The following SNX29 variants were observed in gnomAD, a reference collection of about 807,000 sequenced individuals.
SNX29 encodes sorting nexin-29.
Under a neutral mutation model 102.1 loss-of-function variants are expected in SNX29, and 78 were observed. That is an observed-to-expected ratio of 0.76 (90% CI 0.64 to 0.92). SNX29 has a LOEUF of 0.92. SNX29 is among the 40% of genes least tolerant of loss of function. The pLI is 0.00. For missense variants in SNX29, 1,280 were observed against 1,061.7 expected, an observed-to-expected ratio of 1.21 and a Z score of -2.86; for synonymous variants, 580 against 414.5, an observed-to-expected ratio of 1.40 and a Z score of -4.85.
At chr16:12,390,180 G>GTA in intron 16 of SNX29, among the ~76,000 whole-genome samples, 1 of 148,986 alleles carries the variant, frequency 6.7e-6, no homozygotes, top group East Asian at 2.2e-4. Context: ...GTGTGTGTGT[G>GTA]TATGTATATG....
Position 12,398,776 on chromosome 16 carries a change from A to G in SNX29, c.1955+275A>G, listed in dbSNP as rs1300717934. On this transcript the variant is annotated intron_variant, in intron 17 of 20. Coordinates refer to ENST00000566228, the MANE Select transcript of SNX29 (RefSeq NM_032167.5). ...CTATCACATAACACAAATTTCCTTT[A>G]TTTTCTTTAAAAATGAGACGCTTGT... Among the ~76,000 whole-genome samples, 7 of 145,472 alleles carry G rather than the reference A, an allele frequency of 4.8e-5. No individual in the cohort carries two copies. The East Asian group carries it at 8.0e-4, about 17-fold the overall frequency.
At chr16:12,051,312 G>C (rs566863812) in intron 7 of SNX29, among the ~76,000 whole-genome samples, 3 of 144,926 alleles carry the variant, frequency 2.1e-5, no homozygotes, top group Non-Finnish European at 4.5e-5. Flanking sequence ...CTGGGCAATA[G>C]AGCGAGATGC....
chr16:12,478,983 A>T (rs1248905250), intron 19 of SNX29, among the ~76,000 whole-genome samples: 1 of 152,114 alleles, frequency 6.6e-6, no homozygotes, highest in Non-Finnish European at 1.5e-5. Flanking sequence ...TAGAGCCATG[A>T]CCTTTCTCAG....
At chr16:12,410,875 T>G (rs1255895640) in intron 18 of SNX29, among the ~76,000 whole-genome samples, 1 of 152,214 alleles carries the variant, frequency 6.6e-6, no homozygotes, top group African/African-American at 2.4e-5. Flanking sequence ...GATGGTGATG[T>G]TTTTGGACTT....
intron 19 of SNX29, among the ~76,000 whole-genome samples, chr16:12,493,153 C>T (rs1400916682): frequency 1.3e-5 from 2 of 152,146 alleles, no homozygotes; most frequent in Non-Finnish European, 2.9e-5. Flanking sequence ...ACTGATTCTT[C>T]CTACCCATGA....
At chr16:12,174,971 G>A (rs2076228077) in intron 13 of SNX29, among the ~76,000 whole-genome samples, 1 of 151,972 alleles carries the variant, frequency 6.6e-6, no homozygotes, top group Non-Finnish European at 1.5e-5. Context: ...GAGGTAAGAG[G>A]GCTAGTAAAC....
At chr16:12,020,209 G>A (rs146934730) in intron 3 of SNX29, among the ~76,000 whole-genome samples, 309 of 151,210 alleles carry the variant, frequency 2.0e-3, no homozygotes, top group African/African-American at 7.0e-3. Flanking sequence ...TGTAGCCTCC[G>A]CTTCCTGGGC....
At chr16:12,277,646 C>G (rs1475359150) in intron 14 of SNX29, among the ~76,000 whole-genome samples, 4 of 152,100 alleles carry the variant, frequency 2.6e-5, no homozygotes, top group Non-Finnish European at 5.9e-5. Flanking sequence ...ACAATCATAG[C>G]TCATGGCAGC....
intron 3 of SNX29, among the ~76,000 whole-genome samples, chr16:12,017,538 A>G (rs920871784): frequency 6.6e-6 from 1 of 152,200 alleles, no homozygotes; most frequent in Non-Finnish European, 1.5e-5. Context: ...CCATGTAGAC[A>G]TTTACAAATT....
chr16:12,484,076 A>G (rs556930440), intron 19 of SNX29, among the ~76,000 whole-genome samples: 2 of 152,224 alleles, frequency 1.3e-5, no homozygotes, highest in Admixed American at 6.5e-5. Flanking sequence ...TGCCTGTCCC[A>G]TGGACTCCAC....
At chr16:12,230,016 A>G (rs78411189) in intron 14 of SNX29, among the ~76,000 whole-genome samples, 2,647 of 152,352 alleles carry the variant, frequency 0.017, 95 homozygotes, top group African/African-American at 0.061. Context: ...CTGCTGTTGT[A>G]GCAGCCGCAG....
chr16:12,091,889 C>T (rs8059989), intron 11 of SNX29, among the ~76,000 whole-genome samples: 36,214 of 152,014 alleles, frequency 0.24, 4,416 homozygotes, highest in African/African-American at 0.29. Flanking sequence ...CTCACCAGAT[C>T]CCGAATCTGT....
intron 13 of SNX29, among the ~76,000 whole-genome samples, chr16:12,144,883 G>T (rs2054999565): frequency 6.6e-6 from 1 of 152,114 alleles, no homozygotes; most frequent in South Asian, 2.1e-4. Flanking sequence ...CACCACACCC[G>T]GCAAAGTTTT....
chr16:12,554,245 C>T (rs1318595226), intron 20 of SNX29, among the ~76,000 whole-genome samples: 4 of 152,242 alleles, frequency 2.6e-5, no homozygotes, highest in African/African-American at 9.6e-5. Context: ...CCCTCGGCTG[C>T]ATCGTCTCTG....
intron 13 of SNX29, among the ~76,000 whole-genome samples, chr16:12,169,038 CTT>C (rs1240606328): frequency 6.6e-6 from 1 of 152,200 alleles, no homozygotes; most frequent in Non-Finnish European, 1.5e-5. Flanking sequence ...GATCTCAAGA[CTT>C]GGCCTCACTG....
intron 8 of SNX29, among the ~76,000 whole-genome samples, chr16:12,054,443 A>T (rs1343763443): frequency 6.6e-6 from 1 of 152,248 alleles, no homozygotes; most frequent in African/African-American, 2.4e-5. Context: ...TGGTGGACTC[A>T]GTAAAGGCGA....
rs893737095 is a variant in SNX29, at chr16:12,098,856, G to T, written c.1402+19941G>T. Among the ~76,000 whole-genome samples the T allele has an allele frequency of 2.6e-5, 4 of 152,210 alleles. No individual in the cohort carries two copies. The highest frequency in any genetic ancestry group is 4.1e-4 in the South Asian group (2 of 4,830). On this transcript the variant is annotated intron_variant, in intron 11 of 20. Coordinates refer to ENST00000566228, the MANE Select transcript of SNX29 (RefSeq NM_032167.5). This position sits in a 1 kb window ranked among gnomAD's most constrained non-coding sequence, Gnocchi z 6.0. The stretch of plus-strand genomic sequence containing the variant: ...AGGGCAGTTCCTGAGCACACCTTGT[G>T]GGGAGGTGAACAGGTGGGTGGGCTC...
intron 20 of SNX29, among the ~76,000 whole-genome samples, chr16:12,536,529 C>T (rs1327448629): frequency 6.6e-6 from 1 of 152,176 alleles, no homozygotes; most frequent in African/African-American, 2.4e-5. Flanking sequence ...ATTTTCCCCT[C>T]TGTAAAATGG....
chr16:12,015,796 A>G (rs1474805543), intron 3 of SNX29, among the ~76,000 whole-genome samples: 1 of 151,838 alleles, frequency 6.6e-6, no homozygotes, highest in East Asian at 1.9e-4. Context: ...TGGCCTCCCA[A>G]AGTGCTAGGA....
Sources: allele counts gnomAD v4.1 joint callset (sites outside exome capture counted in the v4.1 genomes callset), GRCh38; gene constraint gnomAD v4.1.1; non-coding constraint Gnocchi (gnomAD v3.1); transcripts MANE v1.5; gene names NCBI Gene and HGNC (gene_info 2026-07-23, HGNC 2026-07-21).